ADAMTS13: variants seen among roughly 807,000 people sequenced by gnomAD.
The protein encoded by ADAMTS13 is ADAM metallopeptidase with thrombospondin type 1 motif 13.
In ADAMTS13, 110 loss-of-function variants were observed where a neutral mutation model predicts 155.1. The observed-to-expected ratio is 0.71, with a 90% CI of 0.61 to 0.83. The LOEUF (loss-of-function observed/expected upper bound fraction) is 0.83. Ranked by LOEUF, ADAMTS13 falls within the 40% of genes least tolerant of loss-of-function variation. ADAMTS13 has a pLI of 0.00. For missense variants in ADAMTS13, 1,707 were observed against 1,891.7 expected (o/e 0.90, Z 1.81); for synonymous variants, 758 against 756.4 (o/e 1.00, Z -0.03).
At position 133,425,629 on chromosome 9, in the gene ADAMTS13, A is replaced by T. The variant is rs2130783571; in HGVS notation, c.414+17A>T. On this transcript the variant is annotated intron_variant, in intron 4 of 28. Coordinates refer to ENST00000355699, the MANE Select transcript of ADAMTS13 (RefSeq NM_139027.6). This position sits in a 1 kb window ranked among gnomAD's most constrained non-coding sequence, Gnocchi z 4.6. Reference sequence around the variant, plus strand: ...GAGCCTGAGGTAGGCATGGAGCTGGAACTCAGCACACCATACAGAGCGGGA... The same window carrying T: ...GAGCCTGAGGTAGGCATGGAGCTGGTACTCAGCACACCATACAGAGCGGGA... 6.2e-7 allele frequency: 1 copy of T among 1,612,040 alleles called. No individual in the cohort carries two copies. The highest frequency in any genetic ancestry group is 2.2e-5 in the East Asian group (1 of 44,860).
At position 133,425,988 on chromosome 9, in the gene ADAMTS13, T is replaced by C; in HGVS notation, c.465T>C (p.Cys155=). The C allele has an allele frequency of 6.2e-7, 1 of 1,613,982 alleles. No homozygotes were observed. The highest frequency in any genetic ancestry group is 1.3e-5 in the African/African-American group (1 of 75,054). Residue 155 remains cysteine (C), a synonymous_variant, in exon 5 of 29, where the codon TGT becomes TGC. Coordinates refer to ENST00000355699, the MANE Select transcript of ADAMTS13 (RefSeq NM_139027.6). This position sits in a 1 kb window ranked among gnomAD's most constrained non-coding sequence, Gnocchi z 4.6. ...ANLTSSLLSV[C]GWSQTINPED... ...TCACCTCGTCCCTGCTGAGCGTCTG[T>C]GGGTGGAGCCAGACCATCAACCCTG...
Position 133,425,902 on chromosome 9 carries a change from G to T in ADAMTS13, c.415-36G>T. On this transcript the variant is annotated intron_variant, in intron 4 of 28. Transcript: ENST00000355699. The surrounding 1 kb of genome is among the most constrained non-coding windows in gnomAD (Gnocchi z 4.6). The stretch of plus-strand genomic sequence containing the variant: ...CGCAGTCAGCACCGTGCCTGGTTGG[G>T]GTGTCCTAAATGCAGGCTTTGCTGT... 6.2e-7 allele frequency: 1 copy of T among 1,612,142 alleles called. No homozygotes were observed. Among genetic ancestry groups the T allele is most frequent in the Non-Finnish European group, 8.5e-7 (1 of 1,179,926 alleles).
In ADAMTS13 at chr9:133,441,070, C is replaced by T. The variant is rs907715916; in HGVS notation, c.1968+545C>T. Reference sequence around the variant, plus strand: ...TCTTTGGTGCAGTGTGTGTGGGAACCGGAAGGCCTTGTTCAGGCGTGTCCT... The same window carrying T: ...TCTTTGGTGCAGTGTGTGTGGGAACTGGAAGGCCTTGTTCAGGCGTGTCCT... On this transcript the variant is annotated intron_variant, in intron 16 of 28. Coordinates refer to ENST00000355699, the MANE Select transcript of ADAMTS13 (RefSeq NM_139027.6). This position sits in a 1 kb window ranked among gnomAD's most constrained non-coding sequence, Gnocchi z 5.0. Among the ~76,000 whole-genome samples the T allele has an allele frequency of 3.9e-5, 6 of 152,106 alleles. No homozygotes were observed. Among genetic ancestry groups the T allele is most frequent in the Middle Eastern group, 3.2e-3 (1 of 314 alleles).
chr9:133,430,765 A>G (rs1353046137), intron 8 of ADAMTS13, among the ~76,000 whole-genome samples: 1 of 142,176 alleles, frequency 7.0e-6, no homozygotes, highest in African/African-American at 2.7e-5. Context: ...GATTCACACC[A>G]TTCTCCTGCC....
chr9:133,418,778 G>A (rs925521278), upstream of ADAMTS13, among the ~76,000 whole-genome samples: 1 of 152,220 alleles, frequency 6.6e-6, no homozygotes, highest in Non-Finnish European at 1.5e-5. Context: ...AACCGGTTAG[G>A]TCAAGGATTG....
intron 22 of ADAMTS13, among the ~76,000 whole-genome samples, 182 bp from the exon 23 acceptor site, chr9:133,449,601 G>A (rs1842301617): frequency 6.6e-6 from 1 of 152,180 alleles, no homozygotes; most frequent in Non-Finnish European, 1.5e-5. Context: ...TTGTCCAAAT[G>A]TTCTGTCCAC....
chr9:133,451,943 C>A (rs1191510282), intron 23 of ADAMTS13, among the ~76,000 whole-genome samples: 1 of 144,912 alleles, frequency 6.9e-6, no homozygotes, highest in Admixed American at 6.8e-5. Context: ...AAACCCTGTA[C>A]TAATCTGTGA....
intron 22 of ADAMTS13, among the ~76,000 whole-genome samples, chr9:133,449,342 G>A (rs1056412630): frequency 6.6e-6 from 1 of 150,534 alleles, no homozygotes; most frequent in Admixed American, 6.7e-5. Flanking sequence ...AATGCAGGGG[G>A]AAAGGGGGAC....
Position 133,428,721 on chromosome 9 carries a change from C to A in ADAMTS13, c.774C>A (p.Ala258=). Residue 258 remains alanine (A), a synonymous_variant, in exon 7 of 29, where the codon GCC becomes GCA. Transcript: ENST00000355699. ...VMASDGAAPR[A]GLAWSPCSRR... is the part of the protein sequence containing the mutation. ...CTTCGGACGGCGCCGCGCCCCGCGC[C>A]GGCCTCGCCTGGTCCCCCTGCAGCC... The A allele has an allele frequency of 7.4e-7, 1 of 1,351,242 alleles. No individual in the cohort carries two copies. Among genetic ancestry groups the A allele is most frequent in the South Asian group, 1.8e-5 (1 of 56,382 alleles). The allele number at this position is 1,351,242 out of a possible 1,614,324, so 83.7% of individuals were successfully genotyped here.
intron 1 of ADAMTS13, 113 bp downstream of exon 1, chr9:133,422,661 C>A: frequency 9.3e-7 from 1 of 1,073,030 alleles, no homozygotes. Context: ...TTGGGGTTTG[C>A]GCTGGGCAGG....
In ADAMTS13 at chr9:133,436,827, A is replaced by G; in HGVS notation, c.1309-2A>G. On this transcript the variant is annotated splice_acceptor_variant, in intron 11 of 28. Transcript: ENST00000355699. LOFTEE classifies it high-confidence loss of function. ...CCCCCTCCTCTGCCTCCTCCTGGCCAGGCCTGCGAGAAGACCCAGCTGGAG... is the reference window on the plus strand; with the variant it reads ...CCCCCTCCTCTGCCTCCTCCTGGCCGGGCCTGCGAGAAGACCCAGCTGGAG... 1 of 1,359,174 alleles carries G rather than the reference A, an allele frequency of 7.4e-7. No homozygotes were observed. Among genetic ancestry groups the G allele is most frequent in the Non-Finnish European group, 9.7e-7 (1 of 1,032,820 alleles). 84.2% of individuals were successfully genotyped at this position (1,359,174 alleles called of 1,614,324 possible). A position where few individuals can be genotyped will look rare whatever the true frequency, so the allele number is the denominator to read the frequency against.
chr9:133,436,776 A>AGGGGGGGGGGGGGGG, intron 11 of ADAMTS13, 53 bp from the exon 12 acceptor site: 2 of 715,604 alleles, frequency 2.8e-6, no homozygotes, highest in Non-Finnish European at 4.5e-6. Context: ...CCCAGTGACA[A>AGGGGGGGGGGGGGGG]CACCCGCCCC....
Position 133,444,991 on chromosome 9 carries a change from A to G in ADAMTS13, c.2549A>G (p.Asp850Gly). The change falls in exon 20 of 29, where the codon GAT becomes GGT. Residue 850 changes from aspartate (D) to glycine (G), a missense_variant. Around this residue, in one of 3 missense-constraint regions of ADAMTS13, gnomAD observed 961 missense variants for 1,107.9 expected, o/e 0.87. Coordinates refer to ENST00000355699, the MANE Select transcript of ADAMTS13 (RefSeq NM_139027.6). The part of the protein sequence containing the change: ...APVTEGPGSV[D>G]EKLPAPEPCV... ...GTGACTGAGGGGCCTGGCTCCGTAG[A>G]TGAGAAGCTGCCTGCCCCTGAGCCC... 1.2e-6 allele frequency: 2 copies of G among 1,613,496 alleles called. No homozygotes were observed. The highest frequency in any genetic ancestry group is 1.7e-6 in the Non-Finnish European group (2 of 1,180,018).
upstream of ADAMTS13, chr9:133,418,142 A>G (rs1588145184): frequency 6.7e-6 from 3 of 444,520 alleles, no homozygotes; most frequent in East Asian, 1.2e-4. Flanking sequence ...CGCCTTAGCC[A>G]GCGGCATCCG....
Position 133,454,554 on chromosome 9 carries a change from G to C in ADAMTS13, c.3184G>C (p.Glu1062Gln), listed in dbSNP as rs782421000. ...EAACAALVRP[E>Q]ASVPCLIADC... ...GGCCTGTGCGGCGCTGGTGCGGCCC[G>C]AGGCCAGTGTCCCCTGTCTCATTGC... The change falls in exon 24 of 29, where the codon GAG (glutamate) becomes CAG (glutamine). Residue 1062 changes from glutamate (E) to glutamine (Q), a missense_variant. By Grantham distance (29) the Glu-to-Gln change is conservative. This residue lies in a region of ADAMTS13 where 961 missense variants were observed against 1,107.9 expected (regional missense o/e 0.87). Transcript: ENST00000355699. 2.5e-6 allele frequency: 4 copies of C among 1,608,396 alleles called. No homozygotes were observed. The highest frequency in any genetic ancestry group is 3.4e-6 in the Non-Finnish European group (4 of 1,179,894).
At chr9:133,443,868 G>A (rs1413071967) in intron 19 of ADAMTS13, among the ~76,000 whole-genome samples, 1 of 152,096 alleles carries the variant, frequency 6.6e-6, no homozygotes, top group Non-Finnish European at 1.5e-5. Flanking sequence ...AGTGGGAGAT[G>A]TCACTTTCTC....
Position 133,436,928 on chromosome 9 carries a change from T to C in ADAMTS13, c.1408T>C (p.Trp470Arg). ...SSPGGASFYH[W>R]GAAVPHSQGD... is the part of the protein sequence containing the mutation. ...CCCTGGCGGCGCCTCCTTCTACCAC[T>C]GGGGTGCTGCTGTACCACACAGCCA... The change falls in exon 12 of 29, where the codon TGG becomes CGG. Residue 470 changes from tryptophan (W) to arginine (R), a missense_variant. Transcript: ENST00000355699. 6.3e-7 allele frequency: 1 copy of C among 1,592,842 alleles called. No homozygotes were observed. The highest frequency in any genetic ancestry group is 1.1e-5 in the South Asian group (1 of 87,596).
chr9:133,442,258 A>G (rs782629144), intron 16 of ADAMTS13, 141 bp from the exon 17 acceptor site: 6 of 1,324,870 alleles, frequency 4.5e-6, no homozygotes, highest in Non-Finnish European at 6.5e-6. Flanking sequence ...GGCATGAGCT[A>G]CCGTGCCTGG....
rs1055748081 is a variant in ADAMTS13 at position 133,456,953 on chromosome 9, G to C, written c.3724+234G>C. 1.5e-6 allele frequency: 1 copy of C among 665,822 alleles called. No individual in the cohort carries two copies. The highest frequency in any genetic ancestry group is 2.7e-6 in the Non-Finnish European group (1 of 364,662). 41.2% of individuals were successfully genotyped at this position (665,822 alleles called of 1,614,324 possible). A position where few individuals can be genotyped will look rare whatever the true frequency, so the allele number is the denominator to read the frequency against. ...GGACCGTGCAGCAAGATGGACGGATGTGGGACATGGTCCACATCCTCAGTC... is the reference window on the plus strand; with the variant it reads ...GGACCGTGCAGCAAGATGGACGGATCTGGGACATGGTCCACATCCTCAGTC... On this transcript the variant is annotated intron_variant, in intron 27 of 28. Coordinates refer to ENST00000355699, the MANE Select transcript of ADAMTS13 (RefSeq NM_139027.6). The surrounding 1 kb of genome is among the most constrained non-coding windows in gnomAD (Gnocchi z 4.4).
Sources: allele counts gnomAD v4.1 joint callset (sites outside exome capture counted in the v4.1 genomes callset), GRCh38; gene constraint gnomAD v4.1.1; regional missense constraint gnomAD v4.1.1; non-coding constraint Gnocchi (gnomAD v3.1); transcripts MANE v1.5; gene names NCBI Gene and HGNC (gene_info 2026-07-23, HGNC 2026-07-21).